The following PCCB variants were observed in gnomAD, a reference collection of about 807,000 sequenced individuals.
PCCB encodes propionyl-CoA carboxylase beta chain, mitochondrial.
In PCCB, 43 loss-of-function variants were observed where a neutral mutation model predicts 60.7. The observed-to-expected ratio is 0.71, with a 90% CI of 0.55 to 0.91. The LOEUF is 0.91. Among genes scored for constraint, PCCB ranks in the 40% least tolerant of loss-of-function variants. The pLI is 0.00. For synonymous variants in PCCB, 276 were observed against 255.9 expected (o/e 1.08, Z -0.75); for missense variants, 766 against 702.8 (o/e 1.09, Z -1.02).
chr3:136,282,655 A>G (rs909281419), intron 5 of PCCB, among the ~76,000 whole-genome samples: 2 of 152,180 alleles, frequency 1.3e-5, no homozygotes, highest in Non-Finnish European at 2.9e-5. Flanking sequence ...TGCTTTATAC[A>G]GTCTTGTTTT....
chr3:136,307,343 G>A (rs1934477686), intron 9 of PCCB, among the ~76,000 whole-genome samples: 1 of 65,526 alleles, frequency 1.5e-5, no homozygotes, highest in African/African-American at 3.1e-5. Context: ...GTGGGGATGA[G>A]GGTAGAGAAC....
intron 5 of PCCB, among the ~76,000 whole-genome samples, chr3:136,271,872 C>T (rs1003673855): frequency 4.6e-5 from 7 of 152,118 alleles, no homozygotes; most frequent in African/African-American, 1.4e-4. Flanking sequence ...TGCCCAATTG[C>T]TCTGGATAGG....
intron 5 of PCCB, among the ~76,000 whole-genome samples, chr3:136,269,464 C>G (rs183761252): frequency 6.6e-6 from 1 of 152,078 alleles, no homozygotes; most frequent in Non-Finnish European, 1.5e-5. Context: ...TCTATATACA[C>G]AATCATGTCT....
intron 9 of PCCB, among the ~76,000 whole-genome samples, chr3:136,315,418 C>T (rs930856186): frequency 1.3e-5 from 2 of 152,128 alleles, no homozygotes; most frequent in African/African-American, 2.4e-5. Flanking sequence ...GTAGTCCCAG[C>T]TACTCGGGAG....
intron 10 of PCCB, among the ~76,000 whole-genome samples, chr3:136,322,923 T>C (rs1189956831): frequency 6.6e-6 from 1 of 152,096 alleles, no homozygotes; most frequent in Non-Finnish European, 1.5e-5. Flanking sequence ...TATGTTATCC[T>C]GCTGTCTCTG....
intron 10 of PCCB, among the ~76,000 whole-genome samples, chr3:136,318,116 A>G (rs1203609703): frequency 6.6e-6 from 1 of 152,198 alleles, no homozygotes; most frequent in East Asian, 1.9e-4. Flanking sequence ...AGGCGGGTGG[A>G]TCACGAGGTC....
chr3:136,259,124 A>G, intron 3 of PCCB: 1 of 1,438,140 alleles, frequency 7.0e-7, no homozygotes, highest in Non-Finnish European at 9.1e-7. Flanking sequence ...CATAAGCAGA[A>G]GAAGCAGTGA....
At chr3:136,311,064 T>C (rs61789604) in intron 9 of PCCB, among the ~76,000 whole-genome samples, 13 of 152,152 alleles carry the variant, frequency 8.5e-5, no homozygotes, top group Non-Finnish European at 1.9e-4. Flanking sequence ...TCTGGAAATA[T>C]TAACCAATAC....
intron 6 of PCCB, among the ~76,000 whole-genome samples, chr3:136,291,840 C>T (rs1425181827): frequency 6.6e-6 from 1 of 152,176 alleles, no homozygotes; most frequent in Non-Finnish European, 1.5e-5. Context: ...CTGATTATCA[C>T]TGTGAGAACC....
At chr3:136,288,282 T>C (rs1483778118) in intron 6 of PCCB, among the ~76,000 whole-genome samples, 1 of 152,198 alleles carries the variant, frequency 6.6e-6, no homozygotes, top group East Asian at 1.9e-4. Flanking sequence ...TGTTTATTGA[T>C]ACTGTTTTTC....
chr3:136,268,334 A>G (rs1018520426), intron 5 of PCCB, among the ~76,000 whole-genome samples: 1 of 151,656 alleles, frequency 6.6e-6, no homozygotes, highest in Non-Finnish European at 1.5e-5. Context: ...TCAGTTGATC[A>G]TAAATGTAAG....
chr3:136,325,110 G>C (rs765697273), intron 10 of PCCB, among the ~76,000 whole-genome samples: 4 of 152,076 alleles, frequency 2.6e-5, no homozygotes, highest in Non-Finnish European at 4.4e-5. Flanking sequence ...GGCTGGTCTT[G>C]AACTCCTGAC....
intron 8 of PCCB, among the ~76,000 whole-genome samples, chr3:136,299,529 T>C (rs552813857): frequency 8.1e-6 from 1 of 124,178 alleles, no homozygotes; most frequent in Admixed American, 7.2e-5. Context: ...TGTATGTATG[T>C]ATATGCATGT....
At chr3:136,250,694 T>A in intron 1 of PCCB, 136 bp downstream of exon 1, 1 of 836,274 alleles carries the variant, frequency 1.2e-6, no homozygotes, top group Non-Finnish European at 1.8e-6. Context: ...GTGTTCACCT[T>A]GAAAACCTGT....
intron 5 of PCCB, among the ~76,000 whole-genome samples, chr3:136,278,273 A>G (rs1320508255): frequency 2.0e-5 from 3 of 152,054 alleles, no homozygotes; most frequent in East Asian, 1.9e-4. Context: ...GCTTCTCTCT[A>G]TCTCACACTC....
intron 6 of PCCB, among the ~76,000 whole-genome samples, chr3:136,289,182 T>C (rs1481406058): frequency 1.3e-5 from 2 of 152,198 alleles, no homozygotes; most frequent in African/African-American, 4.8e-5. Flanking sequence ...AGTTCATCTA[T>C]GTCTTTACTG....
intron 10 of PCCB, among the ~76,000 whole-genome samples, chr3:136,319,027 C>T (rs1410865295): frequency 6.6e-6 from 1 of 152,184 alleles, no homozygotes; most frequent in Non-Finnish European, 1.5e-5. Flanking sequence ...TTTACATTCC[C>T]ACCAGCAATG....
In PCCB at chr3:136,283,804, T is replaced by A. The variant is rs762408036; in HGVS notation, c.544-33T>A. ...ACAGATAATGCCTCAAACATCTCTG[T>A]AACCAGATGCTTTTGCTTTTCTGTT... On this transcript the variant is annotated intron_variant, in intron 5 of 14. Transcript: ENST00000251654. 7.2e-6 allele frequency: 10 copies of A among 1,397,734 alleles called. No homozygotes were observed. In the South Asian group the frequency reaches 1.2e-4, roughly 16 times the overall value. The allele number at this position is 1,397,734 out of a possible 1,614,324, so 86.6% of individuals were successfully genotyped here. A position where few individuals can be genotyped will look rare whatever the true frequency, so the allele number is the denominator to read the frequency against.
chr3:136,256,298 G>A, intron 2 of PCCB: 1 of 576,242 alleles, frequency 1.7e-6, no homozygotes, highest in South Asian at 2.0e-5. Context: ...GTGGCCCTGG[G>A]TCTTGATTGT....
Sources: gnomAD v4.1 joint callset for allele counts (sites outside exome capture counted in the v4.1 genomes callset) on GRCh38, gnomAD v4.1.1 for gene constraint, MANE v1.5 for transcripts, NCBI Gene and HGNC (gene_info 2026-07-23, HGNC 2026-07-21) for gene names.